The following ERAP1 variants were observed in gnomAD, a reference collection of about 807,000 sequenced individuals.
ERAP1 encodes adipocyte-derived leucine aminopeptidase.
In ERAP1, 86 loss-of-function variants were observed where a neutral mutation model predicts 103.7. That is an observed-to-expected ratio of 0.83 (90% CI 0.70 to 0.99). The LOEUF (loss-of-function observed/expected upper bound fraction) is 0.99. Ranked by LOEUF, ERAP1 falls within the 50% of genes least tolerant of loss-of-function variation. The probability of loss-of-function intolerance (pLI) is 0.00; values close to 1 mark genes in which losing one functional copy is unlikely to be tolerated. For missense variants in ERAP1, 1,009 were observed against 1,128.4 expected (o/e 0.89, Z 1.52); for synonymous variants, 398 against 402.4 (o/e 0.99, Z 0.13).
the ERAP1 span, chr5:96,880,289 C>A: frequency 7.7e-6 from 12 of 1,561,494 alleles, no homozygotes; most frequent in East Asian, 2.3e-5. Context: ...AATTTACATT[C>A]TTTTGTGATA....
chr5:96,894,547 T>TA, the ERAP1 span, among the ~76,000 whole-genome samples: 1 of 152,090 alleles, frequency 6.6e-6, no homozygotes, highest in Non-Finnish European at 1.5e-5. Flanking sequence ...AAATAAAACA[T>TA]AAAAGCACAT....
the ERAP1 span, among the ~76,000 whole-genome samples, chr5:96,827,122 A>T: frequency 6.6e-6 from 1 of 152,196 alleles, no homozygotes; most frequent in African/African-American, 2.4e-5. Context: ...ACTCCCCTCT[A>T]ATTCTGGCTT....
rs763989813 is a variant in ERAP1 at position 96,783,964 on chromosome 5, A to T, written c.2060T>A (p.Met687Lys). 2 of 1,613,824 alleles carry T rather than the reference A, an allele frequency of 1.2e-6. No individual in the cohort carries two copies. The highest frequency in any genetic ancestry group is 2.2e-5 in the South Asian group (2 of 91,062). Residue 687 changes from methionine to lysine, a missense_variant, in exon 14 of 19, where the codon ATG (methionine) becomes AAG (lysine). Met to Lys is a moderately conservative substitution (Grantham distance 95). Coordinates refer to ENST00000443439, the MANE Select transcript of ERAP1 (RefSeq NM_001040458.3). ...LNELIPMYKLMEKRDMNEVET... is the reference protein window; with the variant it reads ...LNELIPMYKLKEKRDMNEVET... ...CACTTCATTCATATCTCTTTTCTCC[A>T]TTAACTTATACATAGGAATCAGCTC...
At chr5:96,880,952 G>A in the ERAP1 span, 1 of 158,456 alleles carries the variant, frequency 6.3e-6, no homozygotes, top group African/African-American at 2.4e-5. Flanking sequence ...TGACTGGGCA[G>A]GGAAGTGTTT....
At chr5:96,813,859 G>T in the ERAP1 span, among the ~76,000 whole-genome samples, 7 of 151,578 alleles carry the variant, frequency 4.6e-5, no homozygotes, top group Non-Finnish European at 7.4e-5. Flanking sequence ...GTGTTATAAT[G>T]TTTTTTTAGT....
chr5:96,790,212 GA>G, intron 10 of ERAP1, 83 bp downstream of exon 10: 1 of 1,209,436 alleles, frequency 8.3e-7, no homozygotes, highest in South Asian at 1.2e-5. Flanking sequence ...AAGGACCTCA[GA>G]AAGTTTGGCA....
At chr5:96,791,593 G>C (rs1776741191) in intron 8 of ERAP1, among the ~76,000 whole-genome samples, 1 of 152,182 alleles carries the variant, frequency 6.6e-6, no homozygotes, top group Non-Finnish European at 1.5e-5. Flanking sequence ...CCCAAGAGAA[G>C]CTAGAAATCT....
chr5:96,853,070 G>A, the ERAP1 span, among the ~76,000 whole-genome samples: 2 of 152,126 alleles, frequency 1.3e-5, no homozygotes, highest in African/African-American at 2.4e-5. Context: ...CACTCCAGGG[G>A]CAGGCTTGGG....
chr5:96,765,014 T>C (rs561338033), intron 19 of ERAP1, among the ~76,000 whole-genome samples: 105 of 151,436 alleles, frequency 6.9e-4, no homozygotes, highest in African/African-American at 2.5e-3. Flanking sequence ...CCAACCCCAG[T>C]AGGGTGACAG....
chr5:96,841,973 A>G, the ERAP1 span, among the ~76,000 whole-genome samples: 2 of 152,008 alleles, frequency 1.3e-5, no homozygotes, highest in East Asian at 3.9e-4. Context: ...AAAGCTTATT[A>G]TATCATTCTT....
downstream of ERAP1, chr5:96,772,864 A>T (rs749124447): frequency 2.0e-5 from 3 of 153,326 alleles, no homozygotes; most frequent in African/African-American, 7.2e-5. Flanking sequence ...ATTGCCTTCA[A>T]TTGGGAGAGA....
the ERAP1 span, among the ~76,000 whole-genome samples, chr5:96,864,681 A>T: frequency 2.6e-5 from 4 of 152,192 alleles, no homozygotes. Context: ...ACAATGCTTT[A>T]AAAAGAAATT....
chr5:96,927,289 A>C, the ERAP1 span, among the ~76,000 whole-genome samples: 2 of 152,158 alleles, frequency 1.3e-5, no homozygotes, highest in Non-Finnish European at 2.9e-5. Flanking sequence ...TGTGGCTTAT[A>C]ATTTCTCTAC....
the ERAP1 span, chr5:96,917,581 G>A: frequency 6.2e-7 from 1 of 1,612,892 alleles, no homozygotes; most frequent in Non-Finnish European, 8.5e-7. Context: ...CGACTCTGAG[G>A]ACTTGGCTAA....
intron 12 of ERAP1, 33 bp from the exon 13 acceptor site, chr5:96,786,004 T>C: frequency 6.2e-7 from 1 of 1,604,460 alleles, no homozygotes; most frequent in South Asian, 1.1e-5. Flanking sequence ...AAGTTCCATT[T>C]GCTCCCCTGC....
At chr5:96,889,606 G>A in the ERAP1 span, 1 of 660,458 alleles carries the variant, frequency 1.5e-6, no homozygotes, top group East Asian at 2.5e-5. Context: ...CGGAAGCCAG[G>A]TAGAGGGTCC....
the ERAP1 span, among the ~76,000 whole-genome samples, chr5:96,870,166 A>C: frequency 7.2e-5 from 11 of 152,322 alleles, no homozygotes; most frequent in South Asian, 8.3e-4. Flanking sequence ...GAGAGTAATG[A>C]GAAAGGCAGT....
At chr5:96,800,751 C>T in intron 3 of ERAP1, 111 bp downstream of exon 3, 1 of 1,140,784 alleles carries the variant, frequency 8.8e-7, no homozygotes, top group Non-Finnish European at 1.3e-6. Flanking sequence ...TAACGATCTG[C>T]CAGGCAATAA....
chr5:96,819,489 G>GTGTGTGTTTGTGTA, the ERAP1 span, among the ~76,000 whole-genome samples: 1 of 152,166 alleles, frequency 6.6e-6, no homozygotes, highest in African/African-American at 2.4e-5. Context: ...CCAGAGGGGT[G>GTGTGTGTTTGTGTA]TGTGTGTTTG....
Sources: allele counts gnomAD v4.1 joint callset (sites outside exome capture counted in the v4.1 genomes callset), GRCh38; gene constraint gnomAD v4.1.1; transcripts MANE v1.5; gene names NCBI Gene and HGNC (gene_info 2026-07-23, HGNC 2026-07-21).